Variants in RBPMS observed in about 807,000 individuals in gnomAD.
RBPMS encodes RNA-binding protein with multiple splicing.
Under a neutral mutation model 26.8 loss-of-function variants are expected in RBPMS, and 7 were observed. The observed-to-expected ratio is 0.26, with a 90% CI of 0.15 to 0.49. The LOEUF (loss-of-function observed/expected upper bound fraction) is 0.49. Ranked by LOEUF, RBPMS falls within the 20% of genes least tolerant of loss-of-function variation. RBPMS has a pLI of 0.98. For missense variants in RBPMS, 186 were observed against 250.0 expected (o/e 0.74, Z 1.73); for synonymous variants, 96 against 93.3 (o/e 1.03, Z -0.17).
intron 1 of RBPMS, among the ~76,000 whole-genome samples, chr8:30,413,600 T>G (rs1809709734): frequency 6.6e-6 from 1 of 152,088 alleles, no homozygotes; most frequent in Non-Finnish European, 1.5e-5. Context: ...GGCACAAGGT[T>G]AGAATGTTAG....
At chr8:30,423,421 G>A (rs934059740) in intron 1 of RBPMS, among the ~76,000 whole-genome samples, 1 of 152,184 alleles carries the variant, frequency 6.6e-6, no homozygotes, top group African/African-American at 2.4e-5. Context: ...CCTCGGAGGG[G>A]ACAGTGAGGG....
intron 6 of RBPMS, among the ~76,000 whole-genome samples, chr8:30,551,052 A>G (rs187991568): frequency 3.4e-4 from 52 of 152,234 alleles, no homozygotes; most frequent in Non-Finnish European, 8.8e-5. Flanking sequence ...TTTCCAGGCA[A>G]TGGAGTTACA....
At chr8:30,525,008 A>AGATGTGTTT (rs1823431895) in intron 5 of RBPMS, among the ~76,000 whole-genome samples, 1 of 152,178 alleles carries the variant, frequency 6.6e-6, no homozygotes, top group Admixed American at 6.5e-5. Flanking sequence ...AATTTAATCT[A>AGATGTGTTT]GATGTGTTTG....
intron 6 of RBPMS, among the ~76,000 whole-genome samples, chr8:30,549,823 T>TCCCCC: frequency 7.2e-6 from 1 of 139,412 alleles, no homozygotes; most frequent in African/African-American, 2.9e-5. Context: ...TCTCTCTCTC[T>TCCCCC]CTCTTTTCTT....
chr8:30,439,950 C>T (rs989875943), intron 1 of RBPMS, among the ~76,000 whole-genome samples: 14 of 152,058 alleles, frequency 9.2e-5, no homozygotes, highest in Admixed American at 4.6e-4. Flanking sequence ...GAGGCTGAGG[C>T]GGGATTACTT....
At chr8:30,470,300 C>G (rs1468860764) in intron 1 of RBPMS, among the ~76,000 whole-genome samples, 2 of 151,934 alleles carry the variant, frequency 1.3e-5, no homozygotes, top group East Asian at 3.9e-4. Context: ...AGGAGAATGG[C>G]TTGAACCCGG....
chr8:30,549,795 T>TCTCTCTCTCCCTCCCC, intron 6 of RBPMS, among the ~76,000 whole-genome samples: 1 of 100,754 alleles, frequency 9.9e-6, no homozygotes, highest in African/African-American at 4.8e-5. Flanking sequence ...TCTCTCTCTC[T>TCTCTCTCTCCCTCCCC]CCCCTCTCTC....
chr8:30,530,068 T>C (rs1031861473), intron 5 of RBPMS, among the ~76,000 whole-genome samples: 1 of 152,174 alleles, frequency 6.6e-6, no homozygotes, highest in Non-Finnish European at 1.5e-5. Context: ...ACTTCATCCC[T>C]TTTTGTGGCT....
intron 5 of RBPMS, among the ~76,000 whole-genome samples, chr8:30,509,711 T>C (rs376578190): frequency 6.6e-6 from 1 of 152,208 alleles, no homozygotes; most frequent in Admixed American, 6.5e-5. Flanking sequence ...CGGCATTGTT[T>C]ATGAAGACTG....
At chr8:30,531,806 GGA>G (rs1232707527) in intron 5 of RBPMS, among the ~76,000 whole-genome samples, 16 of 152,290 alleles carry the variant, frequency 1.1e-4, no homozygotes, top group African/African-American at 3.9e-4. Flanking sequence ...GCAAAGAGAT[GGA>G]GAGTAAAAGG....
intron 6 of RBPMS, among the ~76,000 whole-genome samples, chr8:30,548,449 C>T (rs902225780): frequency 1.3e-5 from 2 of 152,164 alleles, no homozygotes; most frequent in African/African-American, 4.8e-5. Flanking sequence ...GAGAGAAAGT[C>T]CTGGTTACCT....
At chr8:30,415,984 T>C (rs943682663) in intron 1 of RBPMS, among the ~76,000 whole-genome samples, 1 of 152,202 alleles carries the variant, frequency 6.6e-6, no homozygotes, top group African/African-American at 2.4e-5. Flanking sequence ...CTTTGTAACA[T>C]TCCAAGTGAT....
intron 5 of RBPMS, among the ~76,000 whole-genome samples, chr8:30,523,903 C>G (rs1298456521): frequency 6.6e-6 from 1 of 152,004 alleles, no homozygotes; most frequent in Non-Finnish European, 1.5e-5. Context: ...TGGAAAATTT[C>G]AAACATATCT....
intron 6 of RBPMS, among the ~76,000 whole-genome samples, chr8:30,549,792 C>CTCTCTCTCTCTCTCTCTCTCTCTCTCTG (rs1826175520): frequency 1.8e-5 from 2 of 108,728 alleles, no homozygotes; most frequent in African/African-American, 8.3e-5. Flanking sequence ...CTCTCTCTCT[C>CTCTCTCTCTCTCTCTCTCTCTCTCTCTG]TCTCCCCTCT....
At chr8:30,542,270 G>T (rs571399645) in intron 5 of RBPMS, among the ~76,000 whole-genome samples, 1 of 152,272 alleles carries the variant, frequency 6.6e-6, no homozygotes, top group East Asian at 1.9e-4. Flanking sequence ...AGAACTAATG[G>T]GAAGTAATGC....
chr8:30,489,191 C>G (rs531559289), intron 4 of RBPMS, among the ~76,000 whole-genome samples: 1 of 152,056 alleles, frequency 6.6e-6, no homozygotes, highest in South Asian at 2.1e-4. Context: ...GGACCACAGA[C>G]ACATGCCACC....
chr8:30,385,051 G>A lies in RBPMS; in HGVS notation c.-42G>A. On this transcript the variant is annotated 5_prime_UTR_variant, in exon 1 of 9. Transcript: ENST00000397323. Reference sequence around the variant, plus strand: ...GGCTAGCGCGCCCTCGCCCAGCCCCGCGCCCCAGCCCTGCCCGGCCCGGCG... The same window carrying A: ...GGCTAGCGCGCCCTCGCCCAGCCCCACGCCCCAGCCCTGCCCGGCCCGGCG... The A allele has an allele frequency of 6.8e-7, 1 of 1,462,334 alleles. No homozygotes were observed. Among genetic ancestry groups the A allele is most frequent in the East Asian group, 3.1e-5 (1 of 32,752 alleles). The allele number at this position is 1,462,334 out of a possible 1,614,324, so 90.6% of individuals were successfully genotyped here.
intron 1 of RBPMS, among the ~76,000 whole-genome samples, chr8:30,428,886 A>G (rs1284332006): frequency 1.3e-5 from 2 of 152,138 alleles, no homozygotes; most frequent in African/African-American, 4.8e-5. Context: ...AGTAGCCCCA[A>G]TAAGCTGGGG....
chr8:30,544,227 C>CT lies in RBPMS; in HGVS notation c.398-267_398-266insT, dbSNP rs149636463. Among the ~76,000 whole-genome samples, 810 of 150,430 alleles carry CT rather than the reference C, an allele frequency of 5.4e-3. 10 individuals carry two copies. The highest frequency in any genetic ancestry group is 0.019 in the African/African-American group (754 of 39,812). ...GGTTCCCCAGCTACAGTCGGAAAGA[C>CT]ATCAGAGTGTTCAAGGCGGAGTCCA... is the stretch of plus-strand genomic sequence containing the variant. On this transcript the variant is annotated intron_variant, in intron 5 of 8. Coordinates refer to ENST00000397323, the MANE Select transcript of RBPMS (RefSeq NM_001008710.3).
Sources: gnomAD v4.1 joint callset for allele counts (sites outside exome capture counted in the v4.1 genomes callset) on GRCh38, gnomAD v4.1.1 for gene constraint, MANE v1.5 for transcripts, NCBI Gene and HGNC (gene_info 2026-07-23, HGNC 2026-07-21) for gene names.